Variants in HERC1 observed in about 807,000 individuals in gnomAD.
The protein encoded by HERC1 is HECT and RLD domain containing E3 ubiquitin protein ligase family member 1.
Under a neutral mutation model 554.3 loss-of-function variants are expected in HERC1, and 160 were observed. That is an observed-to-expected ratio of 0.29 (90% CI 0.25 to 0.33). The LOEUF is 0.33. Among genes scored for constraint, HERC1 ranks in the 10% least tolerant of loss-of-function variants. The pLI, the probability that HERC1 is intolerant of heterozygous loss-of-function variation, is 1.00. For synonymous variants in HERC1, 2,175 were observed against 2,131.7 expected (o/e 1.02, Z -0.56); for missense variants, 4,919 against 5,918.5 (o/e 0.83, Z 5.54).
chr15:63,648,044 T>C, intron 55 of HERC1, 25 bp downstream of exon 55: 3 of 1,538,642 alleles, frequency 1.9e-6, no homozygotes, highest in Non-Finnish European at 2.6e-6. Context: ...TCCCATAAAA[T>C]TACGTTTTTT....
chr15:63,734,883 C>T lies in HERC1; in HGVS notation c.2521-34G>A, dbSNP rs779358439. On this transcript the variant is annotated intron_variant, in intron 12 of 77. Coordinates refer to ENST00000443617, the MANE Select transcript of HERC1 (RefSeq NM_003922.4). The surrounding 1 kb of genome is among the most constrained non-coding windows in gnomAD (Gnocchi z 4.6). ...AAAAGAGAAAAGTATACTGATTGGC[C>T]TGGTTCTTAGTTTTTAATAAAAACA... The T allele has an allele frequency of 1.3e-6, 2 of 1,584,910 alleles. No homozygotes were observed. Among genetic ancestry groups the T allele is most frequent in the Non-Finnish European group, 8.6e-7 (1 of 1,165,034 alleles).
At chr15:63,658,964 T>G (rs538980840) in intron 47 of HERC1, among the ~76,000 whole-genome samples, 8 of 152,362 alleles carry the variant, frequency 5.3e-5, no homozygotes, top group Non-Finnish European at 1.0e-4. Flanking sequence ...ATACTTAATT[T>G]ACCAGTAAGT....
At chr15:63,649,661 A>G in intron 54 of HERC1, 64 bp downstream of exon 54, 1 of 1,359,942 alleles carries the variant, frequency 7.4e-7, no homozygotes, top group Non-Finnish European at 1.0e-6. Flanking sequence ...AGCAAATGCC[A>G]AAAAGCTAAG....
chr15:63,715,154 A>G (rs575503781), intron 22 of HERC1, among the ~76,000 whole-genome samples: 2 of 152,198 alleles, frequency 1.3e-5, no homozygotes, highest in East Asian at 1.9e-4. Context: ...GCATCCTTAA[A>G]CCTTAGTTCA....
chr15:63,811,548 G>A (rs2099920), intron 1 of HERC1, among the ~76,000 whole-genome samples: 72,840 of 151,820 alleles, frequency 0.48, 18,371 homozygotes, highest in Non-Finnish European at 0.55. Flanking sequence ...GGTGGCTCAC[G>A]CCTGTAATCC....
intron 10 of HERC1, among the ~76,000 whole-genome samples, chr15:63,748,732 C>T (rs1359498691): frequency 1.3e-5 from 2 of 152,030 alleles, no homozygotes; most frequent in South Asian, 4.2e-4. Context: ...TTTTAAAACC[C>T]TGAGTCAAAG....
Position 63,724,257 on chromosome 15 carries a change from T to C in HERC1, c.3569-902A>G, listed in dbSNP as rs556132486. ...TTAGGACTGTCACAAGGTTAAACAC[T>C]GACAGCAGTGGAATTATCTTTATCA... On this transcript the variant is annotated intron_variant, in intron 18 of 77. Transcript: ENST00000443617. Among the ~76,000 whole-genome samples, 10 of 152,334 alleles carry C rather than the reference T, an allele frequency of 6.6e-5. No homozygotes were observed. In the South Asian group the frequency reaches 2.1e-3, roughly 32 times the overall value.
At chr15:63,805,216 T>C (rs967312214) in intron 1 of HERC1, among the ~76,000 whole-genome samples, 18 of 152,296 alleles carry the variant, frequency 1.2e-4, no homozygotes, top group African/African-American at 4.1e-4. Context: ...TCATAATATA[T>C]GCATACAATG....
rs2070442648 is a variant in HERC1, at chr15:63,663,189, G to A, written c.8696C>T (p.Ser2899Phe). The change falls in exon 44 of 78, where the codon TCT (serine) becomes TTT (phenylalanine). Residue 2899 changes from serine (S) to phenylalanine (F), a missense_variant. By Grantham distance (155) the Ser-to-Phe change is radical. Transcript: ENST00000443617. ...LLARAAGLYR[S>F]VQAHRNQSRR... ...ACTTTGATTCCTGTGGGCCTGCACA[G>A]AGCGGTATAATCCCGCTCAGAACAA... 6.2e-7 allele frequency: 1 copy of A among 1,613,868 alleles called. No homozygotes were observed. The highest frequency in any genetic ancestry group is 8.5e-7 in the Non-Finnish European group (1 of 1,179,870).
chr15:63,703,384 G>C (rs1017769253), intron 25 of HERC1, among the ~76,000 whole-genome samples: 4 of 152,226 alleles, frequency 2.6e-5, no homozygotes, highest in Non-Finnish European at 4.4e-5. Context: ...GGCATGGAAA[G>C]AGCAGCTGAA....
chr15:63,643,490 G>A lies in HERC1; in HGVS notation c.11245C>T (p.Pro3749Ser). The change falls in exon 58 of 78, where the codon CCT becomes TCT. Residue 3749 changes from proline (P) to serine (S), a missense_variant. This residue lies in a region of HERC1 where 1,963 missense variants were observed against 2,228.6 expected (regional missense o/e 0.88). Transcript: ENST00000443617. ...CVYQLRGHIT[P>S]VRTVAFSSDG... ...GAACTAAAGGCAACAGTCCGAACAG[G>A]AGTGATGTGTCCCCGCAGCTGATAA... 2 of 1,611,844 alleles carry A rather than the reference G, an allele frequency of 1.2e-6. No individual in the cohort carries two copies. Among genetic ancestry groups the A allele is most frequent in the East Asian group, 2.2e-5 (1 of 44,780 alleles).
intron 51 of HERC1, 34 bp downstream of exon 51, chr15:63,654,085 C>T (rs769929780): frequency 2.4e-5 from 37 of 1,514,022 alleles, no homozygotes; most frequent in Non-Finnish European, 3.0e-5. Context: ...TCTTACATAA[C>T]GTGATTAACA....
chr15:63,617,616 G>C (rs946700226), intron 74 of HERC1, among the ~76,000 whole-genome samples: 9 of 152,292 alleles, frequency 5.9e-5, no homozygotes, highest in African/African-American at 1.9e-4. Context: ...CTAGTTTACA[G>C]TCCCACCAAC....
In HERC1 at chr15:63,694,538, G is replaced by A. The variant is rs1293668575; in HGVS notation, c.5254C>T (p.Arg1752Cys). The change falls in exon 29 of 78, where the codon CGT becomes TGT. Residue 1752 changes from arginine to cysteine, a missense_variant. Physicochemically the swap from Arg to Cys is radical, Grantham distance 180 (BLOSUM62 -3). This residue lies in a region of HERC1 where 1,121 missense variants were observed against 1,244.0 expected (regional missense o/e 0.90). Transcript: ENST00000443617. This position sits in a 1 kb window ranked among gnomAD's most constrained non-coding sequence, Gnocchi z 4.3. ...ANKHHIEAQQ[R>C]LLLVTVFALS... ...GCAAAAACTGTAACCAGAAGCAGACGTTGCTGGGCTTCTAAAAGACAAAGA... is the reference window on the plus strand; with the variant it reads ...GCAAAAACTGTAACCAGAAGCAGACATTGCTGGGCTTCTAAAAGACAAAGA... 4 of 1,613,498 alleles carry A rather than the reference G, an allele frequency of 2.5e-6. No individual in the cohort carries two copies. The highest frequency in any genetic ancestry group is 2.7e-5 in the African/African-American group (2 of 74,918).
intron 70 of HERC1, among the ~76,000 whole-genome samples, chr15:63,627,248 G>A (rs986738892): frequency 6.6e-6 from 1 of 152,136 alleles, no homozygotes; most frequent in Non-Finnish European, 1.5e-5. Context: ...GGGAATCTTA[G>A]GACCCCCCCT....
chr15:63,769,153 C>T (rs2075873580), intron 2 of HERC1, among the ~76,000 whole-genome samples: 1 of 152,228 alleles, frequency 6.6e-6, no homozygotes, highest in Non-Finnish European at 1.5e-5. Context: ...CACAGTGGTT[C>T]ACGCCTGTAA....
chr15:63,783,373 C>T (rs958197392), intron 1 of HERC1, among the ~76,000 whole-genome samples: 2 of 151,982 alleles, frequency 1.3e-5, no homozygotes, highest in South Asian at 4.2e-4. Flanking sequence ...GATTACAACT[C>T]TTTGAAGGAT....
intron 12 of HERC1, among the ~76,000 whole-genome samples, chr15:63,743,873 T>C (rs920419449): frequency 1.3e-5 from 2 of 152,186 alleles, no homozygotes; most frequent in Admixed American, 6.5e-5. Flanking sequence ...CCAGTAGATA[T>C]TGAAGAGTTA....
At chr15:63,672,418 T>C in intron 39 of HERC1, 78 bp downstream of exon 39, 1 of 946,486 alleles carries the variant, frequency 1.1e-6, no homozygotes, top group Non-Finnish European at 1.6e-6. Flanking sequence ...CAGTTGGGCA[T>C]ACTATTCATA....
Sources: allele counts gnomAD v4.1 joint callset (sites outside exome capture counted in the v4.1 genomes callset), GRCh38; gene constraint gnomAD v4.1.1; regional missense constraint gnomAD v4.1.1; non-coding constraint Gnocchi (gnomAD v3.1); transcripts MANE v1.5; gene names NCBI Gene and HGNC (gene_info 2026-07-23, HGNC 2026-07-21).